The following BANK1 variants were observed in gnomAD, a reference collection of about 807,000 sequenced individuals.
BANK1 encodes B-cell scaffold protein with ankyrin repeats.
In BANK1, 95 loss-of-function variants were observed where a neutral mutation model predicts 94.5. The observed-to-expected ratio is 1.00, with a 90% CI of 0.85 to 1.19. The LOEUF (loss-of-function observed/expected upper bound fraction) is 1.19. Ranked by LOEUF, BANK1 falls within the 50% of genes most tolerant of loss-of-function variation. BANK1 has a pLI of 0.00. For missense variants in BANK1, 987 were observed against 932.2 expected (o/e 1.06, Z -0.77); for synonymous variants, 334 against 308.4 (o/e 1.08, Z -0.87).
intron 7 of BANK1, among the ~76,000 whole-genome samples, chr4:101,971,309 AAAAT>A (rs1244720221): frequency 6.6e-6 from 1 of 152,118 alleles, no homozygotes; most frequent in African/African-American, 2.4e-5. Flanking sequence ...AAAAAACAGA[AAAAT>A]AAGTGAGAAT....
intron 11 of BANK1, among the ~76,000 whole-genome samples, chr4:102,056,671 T>C (rs1164617002): frequency 6.6e-6 from 1 of 151,134 alleles, no homozygotes; most frequent in African/African-American, 2.4e-5. Context: ...TTCTAAGTGG[T>C]GGAGAAAAAA....
At chr4:101,989,506 T>C (rs1294512513) in intron 7 of BANK1, among the ~76,000 whole-genome samples, 1 of 150,184 alleles carries the variant, frequency 6.7e-6, no homozygotes, top group African/African-American at 2.4e-5. Context: ...ATTGATACAC[T>C]ATTATTAATT....
At chr4:101,936,454 A>G (rs575152601) in intron 7 of BANK1, among the ~76,000 whole-genome samples, 22 of 150,180 alleles carry the variant, frequency 1.5e-4, no homozygotes, top group Admixed American at 3.3e-4. Flanking sequence ...GTTTGCATAT[A>G]CTTTATATGT....
intron 11 of BANK1, among the ~76,000 whole-genome samples, chr4:102,048,932 C>T (rs772406785): frequency 2.6e-5 from 4 of 152,136 alleles, no homozygotes; most frequent in East Asian, 1.9e-4. Context: ...GACTTTGGAT[C>T]ACAGATAAAA....
chr4:102,073,397 A>G (rs892889118), intron 15 of BANK1, among the ~76,000 whole-genome samples: 3 of 152,048 alleles, frequency 2.0e-5, no homozygotes, highest in Admixed American at 6.6e-5. Context: ...AACAGGGCAT[A>G]TATTTTGGAG....
intron 6 of BANK1, among the ~76,000 whole-genome samples, chr4:101,905,562 C>T (rs145424002): frequency 0.026 from 3,930 of 152,180 alleles, 181 homozygotes; most frequent in African/African-American, 0.091. Flanking sequence ...CGGCCTGACT[C>T]GCTGATTTTT....
chr4:101,844,449 CT>C (rs1727173253), intron 2 of BANK1, among the ~76,000 whole-genome samples: 1 of 152,182 alleles, frequency 6.6e-6, no homozygotes, highest in Non-Finnish European at 1.5e-5. Context: ...CCTTTCCTAT[CT>C]CAGAACACAA....
intron 2 of BANK1, among the ~76,000 whole-genome samples, chr4:101,845,204 T>A (rs563282744): frequency 9.6e-4 from 146 of 152,138 alleles, no homozygotes; most frequent in African/African-American, 3.3e-3. Context: ...ATAGCTCACA[T>A]ACCCCATAAA....
chr4:102,058,016 T>G (rs1728287340), intron 11 of BANK1, among the ~76,000 whole-genome samples: 1 of 152,194 alleles, frequency 6.6e-6, no homozygotes. Flanking sequence ...CTTTTGTACT[T>G]GTTATAATAT....
Position 101,926,000 on chromosome 4 carries a change from A to C in BANK1, c.1206+7811A>C, listed in dbSNP as rs944032706. On this transcript the variant is annotated intron_variant, in intron 7 of 16. Transcript: ENST00000322953. ...GTCCTTTCAGAAGGAAAATATGCAA[A>C]GGCAATTGAATTAAAATTTCATTGG... Among the ~76,000 whole-genome samples the C allele has an allele frequency of 4.0e-5, 6 of 151,770 alleles. No individual in the cohort carries two copies. The South Asian group carries it at 8.3e-4, about 21-fold the overall frequency.
chr4:101,908,638 A>C (rs1418336939), intron 6 of BANK1, among the ~76,000 whole-genome samples: 1 of 152,190 alleles, frequency 6.6e-6, no homozygotes. Flanking sequence ...AATGGGAGAA[A>C]ATTTTTGCAA....
chr4:101,921,971 A>G (rs1723012708), intron 7 of BANK1, among the ~76,000 whole-genome samples: 1 of 147,580 alleles, frequency 6.8e-6, no homozygotes, highest in East Asian at 2.0e-4. Flanking sequence ...TCCTTAATCT[A>G]TCCCTACACT....
intron 7 of BANK1, among the ~76,000 whole-genome samples, chr4:102,019,271 T>G (rs1308270322): frequency 1.3e-5 from 2 of 152,198 alleles, no homozygotes; most frequent in South Asian, 4.1e-4. Flanking sequence ...AACAGAGTAT[T>G]TAGCAGATAG....
chr4:102,032,648 C>T (rs1370674899), intron 10 of BANK1, among the ~76,000 whole-genome samples: 3 of 151,858 alleles, frequency 2.0e-5, no homozygotes, highest in South Asian at 2.1e-4. Context: ...TTTGGGAGGC[C>T]GAGGCAGGTG....
At chr4:101,891,472 G>A (rs935392798) in intron 5 of BANK1, among the ~76,000 whole-genome samples, 2 of 151,906 alleles carry the variant, frequency 1.3e-5, no homozygotes, top group Non-Finnish European at 2.9e-5. Flanking sequence ...GAATTGGAGG[G>A]GTTTATCCTG....
chr4:101,854,391 A>G (rs1346336976), intron 2 of BANK1, among the ~76,000 whole-genome samples: 2 of 152,192 alleles, frequency 1.3e-5, no homozygotes, highest in Non-Finnish European at 2.9e-5. Context: ...ATCAGATGCT[A>G]TGCTGCTTCT....
At chr4:102,030,452 T>C (rs183943315) in intron 10 of BANK1, among the ~76,000 whole-genome samples, 187 bp downstream of exon 10, 30 of 152,154 alleles carry the variant, frequency 2.0e-4, no homozygotes, top group Non-Finnish European at 3.2e-4. Flanking sequence ...ATTATTATTA[T>C]ACTTTAAGTT....
intron 7 of BANK1, among the ~76,000 whole-genome samples, chr4:101,963,022 C>G (rs2148919706): frequency 6.6e-6 from 1 of 152,132 alleles, no homozygotes; most frequent in African/African-American, 2.4e-5. Context: ...TATACATTCT[C>G]TGGTAATTTA....
chr4:101,817,088 A>G (rs1243022006), intron 1 of BANK1, among the ~76,000 whole-genome samples: 1 of 152,128 alleles, frequency 6.6e-6, no homozygotes, highest in African/African-American at 2.4e-5. Flanking sequence ...CAAAACTGGT[A>G]TTGTTACTGG....
Sources: allele counts gnomAD v4.1 joint callset (sites outside exome capture counted in the v4.1 genomes callset), GRCh38; gene constraint gnomAD v4.1.1; transcripts MANE v1.5; gene names NCBI Gene and HGNC (gene_info 2026-07-23, HGNC 2026-07-21).